Variants in COL5A2 observed in about 807,000 individuals in gnomAD.
COL5A2 encodes collagen type V alpha 2 chain, also known as collagen alpha-2(V) chain.
COL5A2 carries 23 observed loss-of-function variants against 208.2 expected under a neutral mutation model. The observed-to-expected ratio is 0.11, with a 90% CI of 0.08 to 0.16. The LOEUF (loss-of-function observed/expected upper bound fraction) is 0.16. Among genes scored for constraint, COL5A2 ranks in the 10% least tolerant of loss-of-function variants. The pLI, the probability that COL5A2 is intolerant of heterozygous loss-of-function variation, is 1.00. For synonymous variants in COL5A2, 625 were observed against 628.5 expected (o/e 0.99, Z 0.08); for missense variants, 1,590 against 1,956.4 (o/e 0.81, Z 3.53).
intron 1 of COL5A2, among the ~76,000 whole-genome samples, chr2:189,168,754 A>C (rs1448065654): frequency 6.6e-6 from 1 of 152,236 alleles, no homozygotes; most frequent in Non-Finnish European, 1.5e-5. Context: ...CAGAACAACC[A>C]TATTGAATAT....
the COL5A2 span, among the ~76,000 whole-genome samples, chr2:189,288,175 CT>C: frequency 6.6e-6 from 1 of 152,166 alleles, no homozygotes; most frequent in Admixed American, 6.5e-5. Flanking sequence ...GGGCTTCTCT[CT>C]GCTTTCCTAG....
the COL5A2 span, among the ~76,000 whole-genome samples, chr2:189,230,888 T>A: frequency 6.6e-6 from 1 of 151,944 alleles, no homozygotes; most frequent in Non-Finnish European, 1.5e-5. Context: ...ATATTTGTAT[T>A]CCCATATTCA....
Position 189,045,244 on chromosome 2 carries a change from T to C in COL5A2, c.3310-12A>G. Reference sequence around the variant, plus strand: ...GGACCCCGAGAACCCTAAAAGAAATTTACAACAAAAAAAATTGGCATGTAA... The same window carrying C: ...GGACCCCGAGAACCCTAAAAGAAATCTACAACAAAAAAAATTGGCATGTAA... On this transcript the variant is annotated splice_polypyrimidine_tract_variant and intron_variant, in intron 46 of 53. Coordinates refer to ENST00000374866, the MANE Select transcript of COL5A2 (RefSeq NM_000393.5). 1 of 1,599,968 alleles carries C rather than the reference T, an allele frequency of 6.3e-7. No individual in the cohort carries two copies. The highest frequency in any genetic ancestry group is 1.7e-4 in the Middle Eastern group (1 of 5,950).
chr2:189,194,952 G>A (rs533023196), intron 1 of COL5A2, among the ~76,000 whole-genome samples: 7 of 152,134 alleles, frequency 4.6e-5, no homozygotes, highest in Non-Finnish European at 8.8e-5. Context: ...TGAACATAGT[G>A]CTAGAAGTTC....
intron 1 of COL5A2, among the ~76,000 whole-genome samples, chr2:189,141,828 A>C (rs1687940318): frequency 6.6e-6 from 1 of 152,172 alleles, no homozygotes; most frequent in Admixed American, 6.6e-5. Flanking sequence ...TTTTCACTTG[A>C]AGAAATCCAA....
chr2:189,276,131 G>A, the COL5A2 span, among the ~76,000 whole-genome samples: 3 of 152,108 alleles, frequency 2.0e-5, no homozygotes, highest in Admixed American at 2.0e-4. Context: ...GCAAAATATT[G>A]ATACATATTT....
the COL5A2 span, among the ~76,000 whole-genome samples, chr2:189,439,969 G>A: frequency 2.0e-5 from 3 of 152,226 alleles, no homozygotes; most frequent in African/African-American, 7.2e-5. Flanking sequence ...AAGAGGTTAA[G>A]GCTGCAGAAT....
chr2:189,089,359 G>A (rs1207878674), intron 7 of COL5A2, among the ~76,000 whole-genome samples: 1 of 152,090 alleles, frequency 6.6e-6, no homozygotes, highest in Admixed American at 6.5e-5. Flanking sequence ...AAAAACCCTA[G>A]TAATCAAACT....
At chr2:189,159,132 T>C (rs1266737005) in intron 1 of COL5A2, among the ~76,000 whole-genome samples, 1 of 152,186 alleles carries the variant, frequency 6.6e-6, no homozygotes, top group African/African-American at 2.4e-5. Flanking sequence ...ATTGATCATC[T>C]ATGTCACTAC....
chr2:189,390,321 A>G, the COL5A2 span, among the ~76,000 whole-genome samples: 1 of 152,184 alleles, frequency 6.6e-6, no homozygotes, highest in Admixed American at 6.6e-5. Context: ...ATCTGACTTG[A>G]AAGTCATGAA....
chr2:189,109,113 T>C (rs971342281), intron 2 of COL5A2, among the ~76,000 whole-genome samples: 3 of 152,030 alleles, frequency 2.0e-5, no homozygotes, highest in Non-Finnish European at 2.9e-5. Flanking sequence ...ATAATGCAAT[T>C]GCCAGCTCCT....
the COL5A2 span, among the ~76,000 whole-genome samples, chr2:189,234,536 A>C: frequency 6.6e-6 from 1 of 151,774 alleles, no homozygotes; most frequent in East Asian, 1.9e-4. Flanking sequence ...TTTCTTGTTG[A>C]CTTTACATAG....
intron 1 of COL5A2, among the ~76,000 whole-genome samples, chr2:189,127,777 T>G (rs1392049712): frequency 1.3e-5 from 2 of 151,994 alleles, no homozygotes; most frequent in Non-Finnish European, 2.9e-5. Context: ...GTATCAAATG[T>G]AGAGTCATGC....
At chr2:189,220,237 C>G (rs188223908) in intron 1 of COL5A2, among the ~76,000 whole-genome samples, 14 of 152,204 alleles carry the variant, frequency 9.2e-5, no homozygotes, top group Admixed American at 8.5e-4. Context: ...GTCATAACAC[C>G]CATTTTCTCT....
chr2:189,386,576 G>T, the COL5A2 span, among the ~76,000 whole-genome samples: 1 of 152,020 alleles, frequency 6.6e-6, no homozygotes, highest in South Asian at 2.1e-4. Flanking sequence ...TTTGCAAACT[G>T]TAAGTCTGAC....
the COL5A2 span, among the ~76,000 whole-genome samples, chr2:189,308,028 ATTCT>A: frequency 6.6e-6 from 1 of 152,098 alleles, no homozygotes; most frequent in Non-Finnish European, 1.5e-5. Flanking sequence ...CTCACCCTGA[ATTCT>A]TTCTTGTGTG....
chr2:189,060,855 C>G (rs1310095320), intron 30 of COL5A2, 72 bp from the exon 31 acceptor site: 2 of 1,096,062 alleles, frequency 1.8e-6, no homozygotes, highest in Non-Finnish European at 2.8e-6. Context: ...TAACAGTTTA[C>G]CTTTTACAAT....
intron 1 of COL5A2, among the ~76,000 whole-genome samples, chr2:189,150,260 G>A (rs1190151811): frequency 6.6e-6 from 1 of 152,114 alleles, no homozygotes. Flanking sequence ...TCGTACTTTA[G>A]AGATGACTTA....
chr2:189,125,020 G>C (rs1687581015), intron 1 of COL5A2, among the ~76,000 whole-genome samples: 1 of 152,084 alleles, frequency 6.6e-6, no homozygotes. Context: ...TATTCTTATA[G>C]TGTTAATGGA....
Sources: gnomAD v4.1 joint callset for allele counts (sites outside exome capture counted in the v4.1 genomes callset) on GRCh38, gnomAD v4.1.1 for gene constraint, MANE v1.5 for transcripts, NCBI Gene and HGNC (gene_info 2026-07-23, HGNC 2026-07-21) for gene names.